The following RP1 variants were observed in gnomAD, a reference collection of about 807,000 sequenced individuals.
RP1 encodes RP1 axonemal microtubule associated.
In RP1, 16 loss-of-function variants were observed where a neutral mutation model predicts 14.8. The ratio of observed to expected loss-of-function variants is 1.08; its 90% CI spans 0.73 to 1.65. The LOEUF (loss-of-function observed/expected upper bound fraction) is 1.65, where lower values mean the gene tolerates loss of function less well. Among genes scored for constraint, RP1 ranks in the 40% most tolerant of loss-of-function variants. The probability of loss-of-function intolerance (pLI) is 0.00; values close to 1 mark genes in which losing one functional copy is unlikely to be tolerated. For missense variants in RP1, 2,631 were observed against 2,535.0 expected (o/e 1.04, Z -0.81); for synonymous variants, 876 against 883.6 (o/e 0.99, Z 0.15).
Position 54,628,730 on chromosome 8 carries a change from A to G in RP1, c.4848A>G (p.Glu1616=). 1.9e-6 allele frequency: 3 copies of G among 1,614,116 alleles called. No individual in the cohort carries two copies. The highest frequency in any genetic ancestry group is 1.3e-5 in the African/African-American group (1 of 75,064). ...TSSDDPNDSG[E]LTQEKEYNIG... ...GTGATGATCCCAATGACAGTGGCGA[A>G]CTTACCCAAGAGAAAGAATATAACA... The change falls in exon 4 of 4, where the codon GAA becomes GAG. Residue 1616 remains glutamate (E), a synonymous_variant. Coordinates refer to ENST00000220676, the MANE Select transcript of RP1 (RefSeq NM_006269.2).
chr8:54,736,324 G>A (rs115433338), intron 18 of RP1, among the ~76,000 whole-genome samples: 13 of 152,086 alleles, frequency 8.5e-5, no homozygotes, highest in South Asian at 2.1e-4. Context: ...ATTGACATAC[G>A]GTAAAACTCA....
chr8:54,711,743 T>C (rs1808297551), intron 15 of RP1, among the ~76,000 whole-genome samples: 1 of 152,192 alleles, frequency 6.6e-6, no homozygotes. Context: ...GTTTCTTTTC[T>C]AAATTTAATG....
intron 1 of RP1, among the ~76,000 whole-genome samples, chr8:54,617,039 A>C (rs1805735582): frequency 6.6e-6 from 1 of 152,242 alleles, no homozygotes; most frequent in Non-Finnish European, 1.5e-5. Flanking sequence ...TCCATTGTCT[A>C]ACTTTAGGCA....
rs1219735777 is a variant in RP1 at position 54,629,485 on chromosome 8, C to T, written c.5603C>T (p.Thr1868Ile). The T allele has an allele frequency of 6.2e-7, 1 of 1,614,126 alleles. No homozygotes were observed. The highest frequency in any genetic ancestry group is 2.2e-5 in the East Asian group (1 of 44,878). ...TCAGAAAGAGTATGCACATCTGTCA[C>T]TCATTCCTTTATTTCTGCTGGTAAC... Reference protein sequence around the residue: ...HQSERVCTSVTHSFISAGNKV... With the variant: ...HQSERVCTSVIHSFISAGNKV... The change falls in exon 4 of 4, where the codon ACT becomes ATT. Residue 1868 changes from threonine to isoleucine, a missense_variant. Physicochemically the swap from Thr to Ile is moderately conservative, Grantham distance 89. Transcript: ENST00000220676.
chr8:54,810,657 A>G (rs901211068), intron 24 of RP1, among the ~76,000 whole-genome samples: 5 of 152,244 alleles, frequency 3.3e-5, no homozygotes, highest in African/African-American at 9.6e-5. Context: ...ATGGCAAGAA[A>G]TGAAACATGT....
At chr8:54,833,041 C>T (rs954414818) in intron 24 of RP1, among the ~76,000 whole-genome samples, 6 of 151,966 alleles carry the variant, frequency 3.9e-5, no homozygotes, top group African/African-American at 1.4e-4. Flanking sequence ...TCTCTTTGAG[C>T]TCCTTGCAGT....
intron 7 of RP1, among the ~76,000 whole-genome samples, chr8:54,673,459 G>A (rs1300740736): frequency 6.6e-6 from 1 of 152,034 alleles, no homozygotes; most frequent in Non-Finnish European, 1.5e-5. Flanking sequence ...ATTTTTACTG[G>A]CTGGGTGCCG....
chr8:54,585,608 G>A (rs1003197086), intron 1 of RP1, among the ~76,000 whole-genome samples: 17 of 152,246 alleles, frequency 1.1e-4, no homozygotes, highest in East Asian at 1.9e-4. Context: ...ACTTGGTTGC[G>A]TTATCCCCGT....
At chr8:54,860,140 A>AAAGAATAAAAATGACAGAAGG (rs1300222292) in intron 27 of RP1, among the ~76,000 whole-genome samples, 5 of 152,214 alleles carry the variant, frequency 3.3e-5, no homozygotes, top group African/African-American at 9.6e-5. Context: ...TGTTTGATAC[A>AAAGAATAAAAATGACAGAAGG]AAGAATAAAA....
intron 25 of RP1, among the ~76,000 whole-genome samples, chr8:54,844,452 C>T (rs1254509197): frequency 6.6e-6 from 1 of 152,028 alleles, no homozygotes; most frequent in Non-Finnish European, 1.5e-5. Flanking sequence ...TGCTGTTTGC[C>T]CCTAATAAAG....
chr8:54,711,049 A>G (rs1379755164), intron 15 of RP1, among the ~76,000 whole-genome samples: 1 of 152,164 alleles, frequency 6.6e-6, no homozygotes, highest in Non-Finnish European at 1.5e-5. Context: ...TCAATATTAC[A>G]GTATTTAAAA....
intron 4 of RP1, among the ~76,000 whole-genome samples, chr8:54,652,039 T>C (rs1253520008): frequency 1.3e-5 from 2 of 151,036 alleles, no homozygotes; most frequent in African/African-American, 4.9e-5. Flanking sequence ...ATGGAGTCTA[T>C]CTCTCTCGCA....
chr8:54,724,974 T>A (rs1808620431), intron 16 of RP1, among the ~76,000 whole-genome samples: 2 of 152,188 alleles, frequency 1.3e-5, no homozygotes, highest in South Asian at 4.1e-4. Context: ...GGCACATTAA[T>A]TGTTTTCTCC....
intron 24 of RP1, among the ~76,000 whole-genome samples, chr8:54,786,880 C>A (rs1810331217): frequency 1.3e-5 from 2 of 152,018 alleles, no homozygotes; most frequent in Admixed American, 6.6e-5. Context: ...GTCATGTGAC[C>A]AAATCCTTGG....
In RP1 at chr8:54,655,599, A is replaced by G. The variant is rs569591352; in HGVS notation, c.1039-484A>G. Among the ~76,000 whole-genome samples, 15 of 152,348 alleles carry G rather than the reference A, an allele frequency of 9.8e-5. No individual in the cohort carries two copies. The South Asian group carries it at 3.1e-3, about 32-fold the overall frequency. Reference sequence around the variant, plus strand: ...CAAAAGTTAATTTCTAAGAAGTTGAAACAGGGAAATAATATATTTCTAAAA... The same window carrying G: ...CAAAAGTTAATTTCTAAGAAGTTGAGACAGGGAAATAATATATTTCTAAAA... On this transcript the variant is annotated intron_variant, in intron 5 of 22. Transcript: ENST00000636932.
exon 5 of RP1, chr8:54,652,820 T>C (rs990787180): frequency 6.5e-7 from 1 of 1,535,964 alleles, no homozygotes; most frequent in Non-Finnish European, 8.7e-7. Flanking sequence ...AAGATTCGTA[T>C]TGGTCATACC....
intron 26 of RP1, among the ~76,000 whole-genome samples, chr8:54,853,051 G>A (rs184249666): frequency 7.8e-4 from 119 of 152,302 alleles, no homozygotes; most frequent in African/African-American, 2.6e-3. Flanking sequence ...CTACCCAGGC[G>A]TTTAGGGCTT....
chr8:54,779,843 TTATAAG>T (rs1193506590), intron 23 of RP1, among the ~76,000 whole-genome samples: 5 of 152,164 alleles, frequency 3.3e-5, no homozygotes, highest in African/African-American at 1.2e-4. Context: ...CTAACGGTAT[TTATAAG>T]TAAAAAGATA....
rs192104060 is a variant in RP1, at chr8:54,721,494, A to G, written c.2389+1188A>G. Reference sequence around the variant, plus strand: ...TGACCAGAAAGCAGGTAGAGATGAAAAGGTGAAAAAGAAGAGATTGAAATA... The same window carrying G: ...TGACCAGAAAGCAGGTAGAGATGAAGAGGTGAAAAAGAAGAGATTGAAATA... On this transcript the variant is annotated intron_variant, in intron 16 of 22. Coordinates refer to the RP1 transcript ENST00000636932. Among the ~76,000 whole-genome samples the G allele has an allele frequency of 1.3e-3, 194 of 152,356 alleles. 1 individual carries two copies. The highest frequency in any genetic ancestry group is 4.3e-3 in the African/African-American group (180 of 41,578).
Sources: gnomAD v4.1 joint callset for allele counts (sites outside exome capture counted in the v4.1 genomes callset) on GRCh38, gnomAD v4.1.1 for gene constraint, MANE v1.5 for transcripts, NCBI Gene and HGNC (gene_info 2026-07-23, HGNC 2026-07-21) for gene names.